The following PMP22 variants were observed in gnomAD, a reference collection of about 807,000 sequenced individuals.
The protein encoded by PMP22 is Charcot-Marie-Tooth neuropathy 1A (greatly reduced nerve conduction velocity, hereditary motor sensory neuropathy Ia).
Under a neutral mutation model 18.9 loss-of-function variants are expected in PMP22, and 2 were observed. That is an observed-to-expected ratio of 0.11 (90% CI 0.04 to 0.33). The LOEUF is 0.33. Ranked by LOEUF, PMP22 falls within the 10% of genes least tolerant of loss-of-function variation. The probability of loss-of-function intolerance (pLI) is 1.00; values close to 1 mark genes in which losing one functional copy is unlikely to be tolerated. For missense variants in PMP22, 169 were observed against 202.2 expected, an observed-to-expected ratio of 0.84 and a Z score of 1.00; for synonymous variants, 95 against 89.2, an observed-to-expected ratio of 1.07 and a Z score of -0.37.
At chr17:15,252,477 G>A (rs183330512) in intron 3 of PMP22, among the ~76,000 whole-genome samples, 32 of 152,242 alleles carry the variant, frequency 2.1e-4, no homozygotes, top group East Asian at 1.9e-3. Context: ...TCTTCTCAGC[G>A]TCTGGTGCTG....
At chr17:15,248,847 G>A (rs1319313888) in intron 3 of PMP22, among the ~76,000 whole-genome samples, 1 of 152,114 alleles carries the variant, frequency 6.6e-6, no homozygotes, top group African/African-American at 2.4e-5. Context: ...ACTTGTTTTT[G>A]TTTTTGTTTT....
At chr17:15,252,042 C>A (rs1226256857) in intron 3 of PMP22, among the ~76,000 whole-genome samples, 1 of 152,070 alleles carries the variant, frequency 6.6e-6, no homozygotes, top group African/African-American at 2.4e-5. Context: ...CTCATAAGAG[C>A]CTGTAAAATC....
chr17:15,235,132 T>A, intron 4 of PMP22: 1 of 694,578 alleles, frequency 1.4e-6, no homozygotes, highest in Admixed American at 2.1e-5. Flanking sequence ...AATCCTTTTA[T>A]TTTAAATGCT....
At chr17:15,235,895 C>T (rs1906758387) in intron 4 of PMP22, among the ~76,000 whole-genome samples, 1 of 152,064 alleles carries the variant, frequency 6.6e-6, no homozygotes, top group Non-Finnish European at 1.5e-5. Flanking sequence ...GCTGGGACTA[C>T]AGGCACGCAC....
chr17:15,233,837 C>T (rs921286795), intron 4 of PMP22, among the ~76,000 whole-genome samples: 1 of 152,192 alleles, frequency 6.6e-6, no homozygotes, highest in Admixed American at 6.5e-5. Flanking sequence ...TGAGTCCAAA[C>T]TGGAGAACTG....
At chr17:15,241,923 T>C (rs1462494500) in intron 3 of PMP22, among the ~76,000 whole-genome samples, 1 of 152,154 alleles carries the variant, frequency 6.6e-6, no homozygotes, top group Non-Finnish European at 1.5e-5. Context: ...TGCATTAAGA[T>C]AGTAAGTCTA....
At chr17:15,259,415 T>C (rs759557292) in intron 2 of PMP22, among the ~76,000 whole-genome samples, 23 of 152,248 alleles carry the variant, frequency 1.5e-4, no homozygotes, top group Non-Finnish European at 2.9e-4. Flanking sequence ...ATGTTTACTA[T>C]AGTAGAAGGA....
chr17:15,264,210 A>ATAGGTAGG (rs148785223), intron 1 of PMP22, among the ~76,000 whole-genome samples: 1,539 of 150,178 alleles, frequency 0.01, 9 homozygotes, highest in Middle Eastern at 0.034. Context: ...TGTAACTCTG[A>ATAGGTAGG]TAGGTAGGTA....
intron 3 of PMP22, among the ~76,000 whole-genome samples, chr17:15,253,662 C>G (rs1288057228): frequency 6.6e-6 from 1 of 152,138 alleles, no homozygotes; most frequent in Non-Finnish European, 1.5e-5. Context: ...ACCCCTCACT[C>G]TCTGTTCCCA....
At chr17:15,248,836 G>A (rs1305018599) in intron 3 of PMP22, among the ~76,000 whole-genome samples, 1 of 152,196 alleles carries the variant, frequency 6.6e-6, no homozygotes, top group Non-Finnish European at 1.5e-5. Flanking sequence ...TTTATCAGGA[G>A]ACTTGTTTTT....
intron 4 of PMP22, chr17:15,232,449 GTT>G (rs1312632009): frequency 3.3e-5 from 5 of 152,210 alleles, no homozygotes; most frequent in Admixed American, 2.6e-4. Flanking sequence ...GAAAACAGCA[GTT>G]TTGATCTGCT....
chr17:15,248,120 C>A (rs777215887), intron 3 of PMP22, among the ~76,000 whole-genome samples: 4 of 152,218 alleles, frequency 2.6e-5, no homozygotes, highest in Admixed American at 6.5e-5. Context: ...CAAAGCCCAG[C>A]GTGGGTCTTG....
At chr17:15,250,811 C>T (rs1316023777) in intron 3 of PMP22, among the ~76,000 whole-genome samples, 2 of 152,194 alleles carry the variant, frequency 1.3e-5, no homozygotes, top group Non-Finnish European at 1.5e-5. Context: ...CTTACGTGAG[C>T]TGTTTGTATT....
chr17:15,232,199 A>C (rs751284043), intron 4 of PMP22, among the ~76,000 whole-genome samples: 1 of 152,082 alleles, frequency 6.6e-6, no homozygotes, highest in Non-Finnish European at 1.5e-5. Flanking sequence ...GGACACTGCA[A>C]CTTTGTTTGA....
intron 3 of PMP22, among the ~76,000 whole-genome samples, chr17:15,246,224 A>G (rs1390189508): frequency 6.6e-6 from 1 of 152,172 alleles, no homozygotes; most frequent in Non-Finnish European, 1.5e-5. Flanking sequence ...GAGAGCAAAT[A>G]CTTTAGGCTT....
intron 3 of PMP22, among the ~76,000 whole-genome samples, chr17:15,242,274 A>AAG (rs1283909245): frequency 5.3e-5 from 8 of 149,634 alleles, no homozygotes; most frequent in African/African-American, 9.8e-5. Flanking sequence ...AAAAAAAAAA[A>AAG]AGAGAGACAT....
Position 15,242,077 on chromosome 17 carries a change from C to T in PMP22, c.179-2466G>A, listed in dbSNP as rs1274936697. Among the ~76,000 whole-genome samples, 3 of 151,838 alleles carry T rather than the reference C, an allele frequency of 2.0e-5. No individual in the cohort carries two copies. The East Asian group carries it at 5.8e-4, about 29-fold the overall frequency. ...GACCAGCCTGGCCAACATGCCAAAA[C>T]CCCATCTCTACGAAAAATACAAAAA... On this transcript the variant is annotated intron_variant, in intron 3 of 4. Coordinates refer to ENST00000312280, the MANE Select transcript of PMP22 (RefSeq NM_000304.4).
At position 15,259,991 on chromosome 17, in the gene PMP22, T is replaced by A. The variant is rs555949764; in HGVS notation, c.78+659A>T. Among the ~76,000 whole-genome samples, 5 of 150,082 alleles carry A rather than the reference T, an allele frequency of 3.3e-5. No individual in the cohort carries two copies. In the South Asian group the frequency reaches 1.1e-3, roughly 32 times the overall value. On this transcript the variant is annotated intron_variant, in intron 2 of 4. Coordinates refer to ENST00000312280, the MANE Select transcript of PMP22 (RefSeq NM_000304.4). ...GAAAAGAAAACGAAAAAGAAAATCATGCTTACAATGTGCCTTAAATTAAGA... is the reference window on the plus strand; with the variant it reads ...GAAAAGAAAACGAAAAAGAAAATCAAGCTTACAATGTGCCTTAAATTAAGA...
chr17:15,254,221 T>G (rs552557377), intron 3 of PMP22, among the ~76,000 whole-genome samples: 50 of 151,712 alleles, frequency 3.3e-4, no homozygotes, highest in African/African-American at 1.2e-3. Context: ...AAATGAGGAG[T>G]GATATAATTA....
Sources: allele counts gnomAD v4.1 joint callset (sites outside exome capture counted in the v4.1 genomes callset), GRCh38; gene constraint gnomAD v4.1.1; transcripts MANE v1.5; gene names NCBI Gene and HGNC (gene_info 2026-07-23, HGNC 2026-07-21).